Variants in NRXN1 observed in about 807,000 individuals in gnomAD.
NRXN1 encodes neurexin 1, also known as neurexin-1.
Under a neutral mutation model 150.9 loss-of-function variants are expected in NRXN1, and 39 were observed. That is an observed-to-expected ratio of 0.26 (90% CI 0.20 to 0.34). The LOEUF (loss-of-function observed/expected upper bound fraction) is 0.34. Ranked by LOEUF, NRXN1 falls within the 10% of genes least tolerant of loss-of-function variation. The pLI is 1.00. For missense variants in NRXN1, 1,815 were observed against 1,949.9 expected (o/e 0.93, Z 1.30); for synonymous variants, 924 against 757.0 (o/e 1.22, Z -3.62).
intron 18 of NRXN1, among the ~76,000 whole-genome samples, chr2:50,092,489 A>T (rs1699720829): frequency 1.3e-5 from 2 of 152,158 alleles, no homozygotes; most frequent in Admixed American, 1.3e-4. Flanking sequence ...ACCCTTCTTC[A>T]AACCTCAGTT....
At chr2:50,245,181 G>C (rs977815050) in intron 17 of NRXN1, among the ~76,000 whole-genome samples, 2 of 151,916 alleles carry the variant, frequency 1.3e-5, no homozygotes, top group East Asian at 3.9e-4. Flanking sequence ...GCTGCCCAGA[G>C]AGACAAACTT....
intron 17 of NRXN1, among the ~76,000 whole-genome samples, chr2:50,413,251 A>G (rs781091931): frequency 5.3e-5 from 8 of 152,236 alleles, no homozygotes; most frequent in Non-Finnish European, 8.8e-5. Context: ...TAATCTAATG[A>G]TCCAATCAAA....
At position 50,518,307 on chromosome 2, in the gene NRXN1, A is replaced by G. The variant is rs183197975; in HGVS notation, c.2374+10318T>C. Among the ~76,000 whole-genome samples, 178 of 152,180 alleles carry G rather than the reference A, an allele frequency of 1.2e-3. 2 individuals are homozygous for G. Among genetic ancestry groups the G allele is most frequent in the African/African-American group, 4.2e-3 (176 of 41,562 alleles). ...TAAGCCTAATACAATGAAAGTAACA[A>G]TTCAGACTGTGATTTTATTTTTTTC... On this transcript the variant is annotated intron_variant, in intron 12 of 22. Coordinates refer to ENST00000401669, the MANE Select transcript of NRXN1 (RefSeq NM_001330078.2).
intron 5 of NRXN1, among the ~76,000 whole-genome samples, chr2:50,882,851 C>T (rs1679652479): frequency 1.3e-5 from 2 of 151,694 alleles, no homozygotes; most frequent in South Asian, 4.1e-4. Context: ...CAGACTTATA[C>T]ATACAAAAGT....
At chr2:50,598,566 G>A (rs999028936) in intron 8 of NRXN1, among the ~76,000 whole-genome samples, 10 of 148,176 alleles carry the variant, frequency 6.7e-5, no homozygotes, top group South Asian at 4.2e-4. Flanking sequence ...ATATATATGT[G>A]TGTGTGTGTG....
intron 5 of NRXN1, among the ~76,000 whole-genome samples, chr2:50,708,122 C>CA (rs1159302244): frequency 5.9e-5 from 9 of 151,950 alleles, no homozygotes; most frequent in African/African-American, 2.2e-4. Context: ...CTAAGCTGGC[C>CA]AACACTCAAG....
intron 18 of NRXN1, among the ~76,000 whole-genome samples, chr2:50,218,958 A>ATT (rs199850385): frequency 9.9e-5 from 15 of 151,384 alleles, no homozygotes; most frequent in African/African-American, 2.9e-4. Context: ...AATAGCCTTT[A>ATT]TTTTTTTTTC....
chr2:50,485,295 T>C (rs2090786882), intron 15 of NRXN1, among the ~76,000 whole-genome samples: 3 of 152,184 alleles, frequency 2.0e-5, no homozygotes, highest in African/African-American at 7.2e-5. Flanking sequence ...TCTAAGGCCC[T>C]TGAACCCCTC....
chr2:50,990,362 T>C (rs1344396697), intron 2 of NRXN1, among the ~76,000 whole-genome samples: 1 of 152,098 alleles, frequency 6.6e-6, no homozygotes, highest in South Asian at 2.1e-4. Context: ...TTTCCCTTTA[T>C]AAATGTCAAT....
At chr2:49,973,764 C>A (rs753725760) in intron 21 of NRXN1, 72 of 552,478 alleles carry the variant, frequency 1.3e-4, no homozygotes, top group Non-Finnish European at 2.2e-4. Flanking sequence ...TTTAAAACAA[C>A]CTTTCCACAT....
chr2:50,525,917 C>T (rs972128211), intron 12 of NRXN1, among the ~76,000 whole-genome samples: 9 of 152,114 alleles, frequency 5.9e-5, no homozygotes, highest in African/African-American at 2.2e-4. Flanking sequence ...CTAACATGTC[C>T]ATGGAAAACT....
chr2:49,938,481 G>A (rs548198473), intron 22 of NRXN1, among the ~76,000 whole-genome samples: 1 of 152,248 alleles, frequency 6.6e-6, no homozygotes, highest in East Asian at 1.9e-4. Flanking sequence ...CACCTCCTGT[G>A]TTCCAGCTAA....
chr2:50,107,539 A>ATATATATTTT lies in NRXN1; in HGVS notation c.3547-16046_3547-16045insAAAATATATA, dbSNP rs59921941. On this transcript the variant is annotated intron_variant, in intron 18 of 22. Transcript: ENST00000401669. ...AGACTACATATATATATATATATAT[A>ATATATATTTT]TTTTTTTTTTTTACCCAAGTACTAC... is the stretch of plus-strand genomic sequence containing the variant. 2.3e-3 allele frequency among the ~76,000 whole-genome samples: 295 copies of ATATATATTTT among 129,856 alleles called. 1 individual carries two copies. The highest frequency in any genetic ancestry group is 9.2e-3 in the Middle Eastern group (2 of 218). The allele number at this position is 129,856 out of a possible 152,430, so 85.2% of individuals were successfully genotyped here.
chr2:50,041,282 A>G (rs1690901934), intron 21 of NRXN1, among the ~76,000 whole-genome samples: 1 of 152,068 alleles, frequency 6.6e-6, no homozygotes, highest in Non-Finnish European at 1.5e-5. Context: ...CTTCATTCCC[A>G]TTTTTATTTG....
intron 17 of NRXN1, among the ~76,000 whole-genome samples, chr2:50,450,227 T>C (rs2086833721): frequency 6.6e-6 from 1 of 152,192 alleles, no homozygotes; most frequent in African/African-American, 2.4e-5. Flanking sequence ...TCCATCTCAC[T>C]TCCAACGCTC....
At chr2:50,012,713 G>A (rs968366963) in intron 21 of NRXN1, among the ~76,000 whole-genome samples, 1 of 152,086 alleles carries the variant, frequency 6.6e-6, no homozygotes, top group Non-Finnish European at 1.5e-5. Flanking sequence ...AAGGCACCAA[G>A]TTCTGTACCA....
intron 9 of NRXN1, among the ~76,000 whole-genome samples, chr2:50,550,533 T>G (rs1423894745): frequency 6.8e-6 from 1 of 147,272 alleles, no homozygotes; most frequent in South Asian, 2.1e-4. Flanking sequence ...ACTTCAAAAT[T>G]CTTCTGCTTG....
At chr2:50,883,730 T>C (rs760086432) in intron 5 of NRXN1, among the ~76,000 whole-genome samples, 7 of 151,838 alleles carry the variant, frequency 4.6e-5, no homozygotes, top group Non-Finnish European at 8.8e-5. Flanking sequence ...ATAAATAAAT[T>C]GTGATTTAGG....
At chr2:50,956,032 G>C (rs1378075181) in intron 2 of NRXN1, among the ~76,000 whole-genome samples, 1 of 152,074 alleles carries the variant, frequency 6.6e-6, no homozygotes, top group Non-Finnish European at 1.5e-5. Context: ...ATCCTCTTGA[G>C]GTATGATTCT....
Sources: allele counts gnomAD v4.1 joint callset (sites outside exome capture counted in the v4.1 genomes callset), GRCh38; gene constraint gnomAD v4.1.1; transcripts MANE v1.5; gene names NCBI Gene and HGNC (gene_info 2026-07-23, HGNC 2026-07-21).